GLMN: variants seen among roughly 807,000 people sequenced by gnomAD.
The protein encoded by GLMN is glomulin.
GLMN carries 75 observed loss-of-function variants against 87.8 expected under a neutral mutation model. The ratio of observed to expected loss-of-function variants is 0.85; its 90% CI spans 0.71 to 1.04. The LOEUF (loss-of-function observed/expected upper bound fraction) is 1.04. Ranked by LOEUF, GLMN falls within the 50% of genes least tolerant of loss-of-function variation. The probability of loss-of-function intolerance (pLI) is 0.00; values close to 1 mark genes in which losing one functional copy is unlikely to be tolerated. For synonymous variants in GLMN, 206 were observed against 221.6 expected (o/e 0.93, Z 0.63); for missense variants, 588 against 658.8 (o/e 0.89, Z 1.18).
chr1:92,267,049 T>G (rs924136028), intron 11 of GLMN, among the ~76,000 whole-genome samples: 3 of 152,128 alleles, frequency 2.0e-5, no homozygotes, highest in African/African-American at 7.2e-5. Context: ...TTAAAAACAA[T>G]CAAACAATAT....
the GLMN span, among the ~76,000 whole-genome samples, chr1:92,360,991 C>A: frequency 6.6e-6 from 1 of 151,758 alleles, no homozygotes; most frequent in Non-Finnish European, 1.5e-5. Flanking sequence ...ATATTCATGA[C>A]TTTTACCTTC....
At chr1:92,323,849 A>G in the GLMN span, 2 of 1,614,030 alleles carry the variant, frequency 1.2e-6, no homozygotes, top group East Asian at 2.2e-5. Context: ...GAAAGATTAA[A>G]AGCGTCAGAA....
chr1:92,334,859 A>G, the GLMN span, among the ~76,000 whole-genome samples: 1 of 152,170 alleles, frequency 6.6e-6, no homozygotes, highest in African/African-American at 2.4e-5. Context: ...GTGGTGGCGG[A>G]TGCCTGTAGT....
At chr1:92,254,080 G>A (rs1472144264) in intron 16 of GLMN, among the ~76,000 whole-genome samples, 1 of 152,196 alleles carries the variant, frequency 6.6e-6, no homozygotes, top group Non-Finnish European at 1.5e-5. Flanking sequence ...TAAATGACCT[G>A]ATGGAGCTGA....
intron 4 of GLMN, among the ~76,000 whole-genome samples, chr1:92,291,029 G>A (rs1222138239): frequency 1.3e-5 from 2 of 152,094 alleles, no homozygotes; most frequent in Non-Finnish European, 2.9e-5. Flanking sequence ...TACCACAAAG[G>A]AAAGAGGACT....
chr1:92,358,142 T>G, the GLMN span, among the ~76,000 whole-genome samples: 1 of 152,182 alleles, frequency 6.6e-6, no homozygotes, highest in African/African-American at 2.4e-5. Flanking sequence ...CCACCTTGCG[T>G]CAGCCCTTCA....
In GLMN at chr1:92,271,462, T is replaced by TA. The variant is rs1277348407; in HGVS notation, c.923+2dup. ...CATGAATAAACCAAACACTAACTCT[T>TA]ACCTTAAGACCATTGGAAGCTGATC... On this transcript the variant is annotated splice_region_variant and intron_variant, in intron 8 of 18. Transcript: ENST00000370360. 2.5e-6 allele frequency: 4 copies of TA among 1,607,606 alleles called. No individual in the cohort carries two copies. Among genetic ancestry groups the TA allele is most frequent in the Non-Finnish European group, 1.7e-6 (2 of 1,174,648 alleles).
chr1:92,316,060 A>G, the GLMN span, among the ~76,000 whole-genome samples: 1 of 152,238 alleles, frequency 6.6e-6, no homozygotes, highest in Admixed American at 6.5e-5. Context: ...AGGCTCTGAC[A>G]AGCCTTTGAA....
the GLMN span, among the ~76,000 whole-genome samples, chr1:92,364,784 T>G: frequency 6.6e-6 from 1 of 152,102 alleles, no homozygotes; most frequent in Non-Finnish European, 1.5e-5. Flanking sequence ...CCCAAGCAGG[T>G]CTCCTTGCCG....
At chr1:92,272,650 A>G (rs1383352553) in intron 7 of GLMN, among the ~76,000 whole-genome samples, 1 of 152,204 alleles carries the variant, frequency 6.6e-6, no homozygotes, top group Non-Finnish European at 1.5e-5. Flanking sequence ...AGTGGGATGC[A>G]GGAACGCTGG....
intron 3 of GLMN, among the ~76,000 whole-genome samples, chr1:92,292,218 A>G (rs1361608651): frequency 7.3e-6 from 1 of 136,302 alleles, no homozygotes; most frequent in Non-Finnish European, 1.6e-5. Context: ...TGAGGAACAC[A>G]CTGGATAAGA....
At chr1:92,297,922 T>C (rs897476021) in intron 2 of GLMN, 39 bp downstream of exon 2, 1 of 961,068 alleles carries the variant, frequency 1.0e-6, no homozygotes, top group African/African-American at 1.6e-5. Context: ...CCTTCCCATA[T>C]TTTGAAAGGT....
Position 92,284,845 on chromosome 1 carries a change from C to T in GLMN, c.735+1645G>A, listed in dbSNP as rs1487328107. ...CACTTCTCAAAAGAAGACATTTATA[C>T]AGCCAACAGACATGAAAAAATGCTC... On this transcript the variant is annotated intron_variant, in intron 7 of 18. Transcript: ENST00000370360. Among the ~76,000 whole-genome samples the T allele has an allele frequency of 2.6e-5, 4 of 152,148 alleles. No homozygotes were observed. In the East Asian group the frequency reaches 7.7e-4, roughly 29 times the overall value.
chr1:92,315,287 T>C, the GLMN span, among the ~76,000 whole-genome samples: 1 of 152,220 alleles, frequency 6.6e-6, no homozygotes, highest in African/African-American at 2.4e-5. Context: ...CACACACATT[T>C]ATCAATTAAG....
upstream of GLMN, among the ~76,000 whole-genome samples, chr1:92,300,852 A>T (rs1474594615): frequency 2.0e-5 from 3 of 152,342 alleles, no homozygotes; most frequent in South Asian, 6.2e-4. Flanking sequence ...AGATATGGTG[A>T]ACAGAATAGA....
chr1:92,281,911 CAAG>C (rs1462796155), intron 7 of GLMN, among the ~76,000 whole-genome samples: 3 of 152,092 alleles, frequency 2.0e-5, no homozygotes, highest in Non-Finnish European at 4.4e-5. Context: ...ATAAATTCAA[CAAG>C]AAGAGCTAAC....
chr1:92,283,666 G>C (rs1015839158), intron 7 of GLMN, among the ~76,000 whole-genome samples: 1 of 152,186 alleles, frequency 6.6e-6, no homozygotes, highest in African/African-American at 2.4e-5. Context: ...ATTAGGAAAA[G>C]AGGAAGTCAA....
At chr1:92,368,158 G>A in the GLMN span, among the ~76,000 whole-genome samples, 1 of 152,058 alleles carries the variant, frequency 6.6e-6, no homozygotes, top group South Asian at 2.1e-4. Context: ...GCCACAGTGG[G>A]TCACAAGGTC....
At chr1:92,313,583 A>G in the GLMN span, among the ~76,000 whole-genome samples, 1 of 151,796 alleles carries the variant, frequency 6.6e-6, no homozygotes, top group Non-Finnish European at 1.5e-5. Context: ...CATAATTCTT[A>G]GGGGCCCTAG....
Sources: gnomAD v4.1 joint callset for allele counts (sites outside exome capture counted in the v4.1 genomes callset) on GRCh38, gnomAD v4.1.1 for gene constraint, MANE v1.5 for transcripts, NCBI Gene and HGNC (gene_info 2026-07-23, HGNC 2026-07-21) for gene names.